Variants in SLC2A10 observed in about 807,000 individuals in gnomAD.
SLC2A10 encodes the protein solute carrier family 2, facilitated glucose transporter member 10.
A neutral mutation model predicts 32.1 loss-of-function variants in SLC2A10; 25 were observed. That is an observed-to-expected ratio of 0.78 (90% CI 0.57 to 1.09). The LOEUF (loss-of-function observed/expected upper bound fraction) is 1.09, where lower values mean the gene tolerates loss of function less well. Ranked by LOEUF, SLC2A10 falls within the 50% of genes least tolerant of loss-of-function variation. The pLI, the probability that SLC2A10 is intolerant of heterozygous loss-of-function variation, is 0.00. For missense variants in SLC2A10, 673 were observed against 686.5 expected (o/e 0.98, Z 0.22); for synonymous variants, 332 against 309.6 (o/e 1.07, Z -0.76).
chr20:46,729,949 G>T (rs1417424905), intron 4 of SLC2A10, among the ~76,000 whole-genome samples: 1 of 152,062 alleles, frequency 6.6e-6, no homozygotes, highest in African/African-American at 2.4e-5. Context: ...AGTTTTGTCC[G>T]GTCACACACA....
rs3092014 is a variant in SLC2A10, at chr20:46,724,875, C to CGGATGGAT, written c.5-143_5-136dup. On this transcript the variant is annotated intron_variant, in intron 1 of 4. Coordinates refer to ENST00000359271, the MANE Select transcript of SLC2A10 (RefSeq NM_030777.4). Reference sequence around the variant, plus strand: ...TGAATTGATGGAGTGGATGGATGGACGGATGGATGGATGGATGGATGGATG... The same window carrying CGGATGGAT: ...TGAATTGATGGAGTGGATGGATGGACGGATGGATGGATGGATGGATGGATGGATGGATG... 0.8 allele frequency among the ~76,000 whole-genome samples: 111,109 copies of CGGATGGAT among 139,726 alleles called. 45,595 individuals are homozygous for CGGATGGAT. Among genetic ancestry groups the CGGATGGAT allele is most frequent in the Non-Finnish European group, 0.89 (58,376 of 65,272 alleles). 91.7% of individuals were successfully genotyped at this position (139,726 alleles called of 152,430 possible).
chr20:46,710,664 A>T (rs960880699), intron 1 of SLC2A10, among the ~76,000 whole-genome samples: 1 of 152,134 alleles, frequency 6.6e-6, no homozygotes, highest in Non-Finnish European at 1.5e-5. Context: ...GGTGGCAGCA[A>T]CAGTGCAAAG....
At chr20:46,733,510 G>C (rs1355958039) in intron 4 of SLC2A10, among the ~76,000 whole-genome samples, 1 of 152,190 alleles carries the variant, frequency 6.6e-6, no homozygotes, top group Non-Finnish European at 1.5e-5. Flanking sequence ...GTTTAGGAAG[G>C]TCATTGTAGA....
chr20:46,724,627 TTGGATGGA>T (rs112083429), intron 1 of SLC2A10, among the ~76,000 whole-genome samples: 2,538 of 134,920 alleles, frequency 0.019, 36 homozygotes, highest in African/African-American at 0.03. Context: ...TGGATGGTGG[TTGGATGGA>T]TGGATGGATG....
rs375600279 is a variant in SLC2A10 at position 46,733,830 on chromosome 20, C to T, written c.1622C>T (p.Ser541Phe). The change falls in exon 5 of 5, where the codon TCC (serine) becomes TTC (phenylalanine). Residue 541 changes from serine to phenylalanine, a missense_variant. By Grantham distance (155) the Ser-to-Phe change is radical. Coordinates refer to ENST00000359271, the MANE Select transcript of SLC2A10 (RefSeq NM_030777.4). ...PYSRIEISAA[S>F] ...AGCCGCATCGAGATCTCTGCGGCCT[C>T]CTGAGGAATCCGTCTGCCTGGAAAT... is the stretch of plus-strand genomic sequence containing the variant. The T allele has an allele frequency of 1.2e-6, 2 of 1,614,024 alleles. No homozygotes were observed. Among genetic ancestry groups the T allele is most frequent in the African/African-American group, 1.3e-5 (1 of 74,930 alleles).
At chr20:46,714,848 C>T (rs1979139223) in intron 1 of SLC2A10, among the ~76,000 whole-genome samples, 1 of 152,198 alleles carries the variant, frequency 6.6e-6, no homozygotes, top group African/African-American at 2.4e-5. Context: ...TTTATATCTA[C>T]AGTCCCATGC....
In SLC2A10 at chr20:46,729,365, T is replaced by A. The variant is rs2123062030; in HGVS notation, c.1424T>A (p.Leu475Ter). 6.2e-7 allele frequency: 1 copy of A among 1,613,788 alleles called. No individual in the cohort carries two copies. Among genetic ancestry groups the A allele is most frequent in the Non-Finnish European group, 8.5e-7 (1 of 1,179,976 alleles). Reference protein sequence around the residue: ...SFLDLIGTIGLSWTFLLYGLT... With the variant: ...SFLDLIGTIG Reference sequence around the variant, plus strand: ...CTCCTGTTTCCAGGCACCATCGGCTTGTCCTGGACCTTCCTGCTCTACGGA... The same window carrying A: ...CTCCTGTTTCCAGGCACCATCGGCTAGTCCTGGACCTTCCTGCTCTACGGA... Residue 475 changes from leucine to a stop codon, truncating the protein, a stop_gained, in exon 4 of 5, where the codon TTG (leucine) becomes TAG (stop). Coordinates refer to ENST00000359271, the MANE Select transcript of SLC2A10 (RefSeq NM_030777.4). LOFTEE classifies it high-confidence loss of function.
intron 3 of SLC2A10, among the ~76,000 whole-genome samples, chr20:46,728,763 G>A (rs1257417464): frequency 6.6e-6 from 1 of 151,858 alleles, no homozygotes; most frequent in East Asian, 1.9e-4. Flanking sequence ...GGCTACAGGT[G>A]TGTGCCACCA....
Position 46,735,132 on chromosome 20 carries a change from A to C in SLC2A10, c.*1298A>C, listed in dbSNP as rs1980507926. Reference sequence around the variant, plus strand: ...ACTGAGCAAGTAGCTATGACTGCAGATCATGTAAGGAAGGGACTGACAAGA... The same window carrying C: ...ACTGAGCAAGTAGCTATGACTGCAGCTCATGTAAGGAAGGGACTGACAAGA... On this transcript the variant is annotated 3_prime_UTR_variant, in exon 5 of 5. Coordinates refer to ENST00000359271, the MANE Select transcript of SLC2A10 (RefSeq NM_030777.4). 1 of 152,638 alleles carries C rather than the reference A, an allele frequency of 6.6e-6. No individual in the cohort carries two copies. Among genetic ancestry groups the C allele is most frequent in the Admixed American group, 6.5e-5 (1 of 15,280 alleles). The allele number at this position is 152,638 out of a possible 1,614,324, so 9.5% of individuals were successfully genotyped here. A position where few individuals can be genotyped will look rare whatever the true frequency, so the allele number is the denominator to read the frequency against.
chr20:46,713,224 G>A (rs6512388), intron 1 of SLC2A10, among the ~76,000 whole-genome samples: 2,470 of 152,218 alleles, frequency 0.016, 65 homozygotes, highest in African/African-American at 0.057. Context: ...TGACTTTCAG[G>A]TCAGGGAGAC....
Position 46,729,339 on chromosome 20 carries a change from C to T in SLC2A10, c.1412-14C>T. 1.2e-6 allele frequency: 2 copies of T among 1,613,160 alleles called. No homozygotes were observed. Among genetic ancestry groups the T allele is most frequent in the Non-Finnish European group, 1.7e-6 (2 of 1,179,910 alleles). ...CTTGGTCCTGGGCCTACACTCCCGC[C>T]CTCCTGTTTCCAGGCACCATCGGCT... On this transcript the variant is annotated splice_polypyrimidine_tract_variant and intron_variant, in intron 3 of 4. Transcript: ENST00000359271.
intron 4 of SLC2A10, among the ~76,000 whole-genome samples, chr20:46,731,321 C>T (rs1297552408): frequency 6.6e-6 from 1 of 152,186 alleles, no homozygotes; most frequent in Admixed American, 6.5e-5. Context: ...GTCACTTCCA[C>T]CCACATGACT....
rs1235088538 is a variant in SLC2A10 at position 46,735,453 on chromosome 20, A to G, written c.*1619A>G. ...TTATAATTAAGTAAATTACATTAAA[A>G]CAAAAAAATTATACTCAAAATTCAT... is the stretch of plus-strand genomic sequence containing the variant. On this transcript the variant is annotated 3_prime_UTR_variant, in exon 5 of 5. Transcript: ENST00000359271. The G allele has an allele frequency of 6.6e-6, 1 of 152,476 alleles. No homozygotes were observed. The highest frequency in any genetic ancestry group is 1.5e-5 in the Non-Finnish European group (1 of 68,046). 9.4% of individuals were successfully genotyped at this position (152,476 alleles called of 1,614,324 possible).
rs1158184394 is a variant in SLC2A10 at position 46,724,851 on chromosome 20, GAATT to G, written c.5-189_5-186del. On this transcript the variant is annotated intron_variant, in intron 1 of 4. Transcript: ENST00000359271. ...TGGATGGATGGATGGATGGATGGTT[GAATT>G]GATGGAGTGGATGGATGGACGGATG... 9.6e-5 allele frequency among the ~76,000 whole-genome samples: 12 copies of G among 124,906 alleles called. No homozygotes were observed. In the East Asian group the frequency reaches 3.1e-3, roughly 32 times the overall value. 81.9% of individuals were successfully genotyped at this position (124,906 alleles called of 152,430 possible).
chr20:46,709,642 A>G, upstream of SLC2A10: 1 of 1,459,982 alleles, frequency 6.8e-7, no homozygotes, highest in Non-Finnish European at 9.2e-7. Flanking sequence ...GGCGGGCCGG[A>G]AAGTTTGTCC....
At chr20:46,724,945 TAA>T in intron 1 of SLC2A10, 94 bp from the exon 2 acceptor site, 1 of 1,519,686 alleles carries the variant, frequency 6.6e-7, no homozygotes, top group Non-Finnish European at 9.0e-7. Context: ...GATGGATGGA[TAA>T]ATGAAGGTGT....
intron 4 of SLC2A10, 27 bp from the exon 5 acceptor site, chr20:46,733,728 CT>C (rs1004268648): frequency 1.2e-6 from 2 of 1,608,260 alleles, no homozygotes; most frequent in East Asian, 2.2e-5. Context: ...CTGCCACCCC[CT>C]GATCCCACGC....
intron 4 of SLC2A10, among the ~76,000 whole-genome samples, chr20:46,733,068 T>A (rs1980379922): frequency 6.6e-6 from 1 of 152,194 alleles, no homozygotes; most frequent in Non-Finnish European, 1.5e-5. Context: ...GGTCTCCTTC[T>A]GAGCAGATGT....
Position 46,726,035 on chromosome 20 carries a change from C to T in SLC2A10, c.999C>T (p.Pro333=). Residue 333 remains proline (P), a synonymous_variant, in exon 2 of 5, where the codon CCC becomes CCT. Coordinates refer to ENST00000359271, the MANE Select transcript of SLC2A10 (RefSeq NM_030777.4). ...MDSGPSCLAV[P]NATGQTGLPG... is the part of the protein sequence containing the mutation. Reference sequence around the variant, plus strand: ...CAGGCCCAAGCTGTCTGGCTGTGCCCAATGCCACCGGGCAGACAGGCCTCC... The same window carrying T: ...CAGGCCCAAGCTGTCTGGCTGTGCCTAATGCCACCGGGCAGACAGGCCTCC... 2 of 1,614,140 alleles carry T rather than the reference C, an allele frequency of 1.2e-6. No individual in the cohort carries two copies. The highest frequency in any genetic ancestry group is 1.7e-6 in the Non-Finnish European group (2 of 1,180,030).
Sources: allele counts gnomAD v4.1 joint callset (sites outside exome capture counted in the v4.1 genomes callset), GRCh38; gene constraint gnomAD v4.1.1; transcripts MANE v1.5; gene names NCBI Gene and HGNC (gene_info 2026-07-23, HGNC 2026-07-21).